The following N4BP2L2 variants were observed in gnomAD, a reference collection of about 807,000 sequenced individuals.
N4BP2L2 encodes NEDD4-binding protein 2-like 2.
N4BP2L2 carries 50 observed loss-of-function variants against 56.2 expected under a neutral mutation model. The ratio of observed to expected loss-of-function variants is 0.89; its 90% CI spans 0.71 to 1.13. The LOEUF is 1.13. Among genes scored for constraint, N4BP2L2 ranks in the 50% most tolerant of loss-of-function variants. N4BP2L2 has a pLI of 0.00. For missense variants in N4BP2L2, 689 were observed against 693.8 expected (o/e 0.99, Z 0.08); for synonymous variants, 203 against 223.6 (o/e 0.91, Z 0.82).
intron 7 of N4BP2L2, among the ~76,000 whole-genome samples, chr13:32,440,808 G>A (rs879593267): frequency 1.0e-4 from 15 of 149,668 alleles, no homozygotes; most frequent in Non-Finnish European, 2.1e-4. Flanking sequence ...ATTTTTGCTC[G>A]TTTTATTCAC....
In N4BP2L2 at chr13:32,535,953, G is replaced by A. The variant is rs1566196006; in HGVS notation, c.1075C>T (p.Arg359Ter). 1.9e-6 allele frequency: 3 copies of A among 1,613,816 alleles called. No individual in the cohort carries two copies. Among genetic ancestry groups the A allele is most frequent in the Non-Finnish European group, 1.7e-6 (2 of 1,179,994 alleles). The stretch of plus-strand genomic sequence containing the variant: ...TCACAGAAACCATTACTCACATATC[G>A]ATCTTGCATACTGCAGCCATTTCCA... Residue 359 changes from arginine (R) to a stop codon, truncating the protein, a stop_gained, in exon 2 of 6, where the codon CGA (arginine) becomes TGA (stop). Transcript: ENST00000267068. LOFTEE classifies it high-confidence loss of function.
intron 6 of N4BP2L2, among the ~76,000 whole-genome samples, chr13:32,454,353 CA>C (rs1249998277): frequency 2.6e-5 from 4 of 151,816 alleles, no homozygotes; most frequent in Non-Finnish European, 5.9e-5. Flanking sequence ...ATAGATTTTA[CA>C]AAATTAGTGC....
rs2056702955 is a variant in N4BP2L2, at chr13:32,536,947, C to A, written c.81G>T (p.Lys27Asn). ...GAAAAACATACGACTCTGTGGTTGA[C>A]TTCAATTTTTTACAGCGTGGCTCAC... Residue 27 changes from lysine to asparagine, a missense_variant, in exon 2 of 6, where the codon AAG (lysine) becomes AAT (asparagine). By Grantham distance (94) the Lys-to-Asn change is moderately conservative (BLOSUM62 0). Transcript: ENST00000267068. 3.7e-6 allele frequency: 6 copies of A among 1,613,254 alleles called. No homozygotes were observed. In the African/African-American group the frequency reaches 8.0e-5, roughly 22 times the overall value.
chr13:32,527,886 C>T (rs914394041), intron 2 of N4BP2L2, among the ~76,000 whole-genome samples: 1 of 152,046 alleles, frequency 6.6e-6, no homozygotes, highest in Admixed American at 6.5e-5. Flanking sequence ...ATTCTCCTGC[C>T]TCAGCCTCCT....
chr13:32,515,529 C>T (rs2139865439), exon 6 of N4BP2L2: 1 of 152,012 alleles, frequency 6.6e-6, no homozygotes, highest in Middle Eastern at 3.4e-3. Flanking sequence ...CAGTAGTTGG[C>T]TAACATTATA....
intron 5 of N4BP2L2, among the ~76,000 whole-genome samples, chr13:32,519,610 A>G (rs1725660340): frequency 1.3e-5 from 2 of 152,192 alleles, no homozygotes; most frequent in South Asian, 4.2e-4. Flanking sequence ...AGATCGCCCC[A>G]CTGAACTCCA....
chr13:32,494,923 G>A (rs892087418), intron 6 of N4BP2L2, among the ~76,000 whole-genome samples: 1 of 152,100 alleles, frequency 6.6e-6, no homozygotes, highest in African/African-American at 2.4e-5. Flanking sequence ...CTCTGCACAA[G>A]TCTTCAGACT....
At chr13:32,526,807 A>G (rs1449837392) in intron 3 of N4BP2L2, 10 of 64,328 alleles carry the variant, frequency 1.6e-4, no homozygotes, top group African/African-American at 3.8e-4. Context: ...GGCCAGGCAC[A>G]CTTTTTGTCT....
At chr13:32,475,199 G>A (rs2083067907) in intron 6 of N4BP2L2, among the ~76,000 whole-genome samples, 1 of 152,164 alleles carries the variant, frequency 6.6e-6, no homozygotes, top group Non-Finnish European at 1.5e-5. Context: ...TTATTTATCT[G>A]CACACTCACT....
At chr13:32,479,370 C>T (rs919864100) in intron 6 of N4BP2L2, among the ~76,000 whole-genome samples, 1 of 151,658 alleles carries the variant, frequency 6.6e-6, no homozygotes, top group African/African-American at 2.4e-5. Context: ...TGGGTTCATG[C>T]CATTCTCCCA....
At chr13:32,518,081 C>T (rs1052531430) in intron 5 of N4BP2L2, 78 bp from the exon 6 acceptor site, 9 of 1,262,580 alleles carry the variant, frequency 7.1e-6, no homozygotes, top group Admixed American at 2.7e-5. Flanking sequence ...AGAGAAAAAG[C>T]ACACAAATTC....
At chr13:32,462,816 G>T (rs1241327628) in intron 6 of N4BP2L2, among the ~76,000 whole-genome samples, 1 of 135,436 alleles carries the variant, frequency 7.4e-6, no homozygotes, top group Non-Finnish European at 1.5e-5. Flanking sequence ...AAAAGGTCAG[G>T]AGATCAAGAC....
chr13:32,525,408 A>C (rs1305499314), intron 3 of N4BP2L2: 1 of 152,236 alleles, frequency 6.6e-6, no homozygotes, highest in Non-Finnish European at 1.5e-5. Flanking sequence ...TTGTGAAACT[A>C]TAAATTGTAA....
chr13:32,464,423 C>G (rs1369075855), intron 6 of N4BP2L2, among the ~76,000 whole-genome samples: 1 of 152,078 alleles, frequency 6.6e-6, no homozygotes, highest in African/African-American at 2.4e-5. Context: ...GATGGCAATT[C>G]CAACAGAGTT....
At chr13:32,462,861 T>TAAGAAAAAAA (rs2080408351) in intron 6 of N4BP2L2, among the ~76,000 whole-genome samples, 1 of 51,092 alleles carries the variant, frequency 2.0e-5, no homozygotes, top group African/African-American at 6.1e-5. Flanking sequence ...CTGTCTTTAC[T>TAAGAAAAAAA]AAAAAAAAAA....
chr13:32,521,588 G>T (rs2050926260), intron 4 of N4BP2L2, 139 bp from the exon 5 acceptor site: 1 of 580,898 alleles, frequency 1.7e-6, no homozygotes, highest in South Asian at 2.5e-5. Context: ...AAATAATATG[G>T]TTTATAACAG....
exon 6 of N4BP2L2, chr13:32,513,793 ATTAG>A (rs2048626293): frequency 6.6e-6 from 1 of 152,176 alleles, no homozygotes; most frequent in African/African-American, 2.4e-5. Flanking sequence ...TTTAGCCCTT[ATTAG>A]TTATTGTATT....
At chr13:32,441,888 AAAAT>A (rs201117316) in intron 7 of N4BP2L2, among the ~76,000 whole-genome samples, 47,732 of 138,682 alleles carry the variant, frequency 0.34, 9,369 homozygotes, top group East Asian at 0.63. Context: ...CTAAAAATAC[AAAAT>A]AAATAAATAA....
intron 6 of N4BP2L2, among the ~76,000 whole-genome samples, chr13:32,457,230 T>C (rs749010075): frequency 6.6e-6 from 1 of 152,190 alleles, no homozygotes; most frequent in Non-Finnish European, 1.5e-5. Context: ...CTACTTGGCA[T>C]ATGGGACATC....
Sources: allele counts gnomAD v4.1 joint callset (sites outside exome capture counted in the v4.1 genomes callset), GRCh38; gene constraint gnomAD v4.1.1; transcripts MANE v1.5; gene names NCBI Gene and HGNC (gene_info 2026-07-23, HGNC 2026-07-21).